The following OGA variants were observed in gnomAD, a reference collection of about 807,000 sequenced individuals.
OGA encodes protein O-GlcNAcase.
OGA carries 21 observed loss-of-function variants against 102.0 expected under a neutral mutation model. The observed-to-expected ratio is 0.21, with a 90% CI of 0.15 to 0.30. OGA has a LOEUF of 0.30. Ranked by LOEUF, OGA falls within the 10% of genes least tolerant of loss-of-function variation. The probability of loss-of-function intolerance (pLI) is 1.00; values close to 1 mark genes in which losing one functional copy is unlikely to be tolerated. For synonymous variants in OGA, 408 were observed against 378.2 expected (o/e 1.08, Z -0.91); for missense variants, 765 against 1,107.8 (o/e 0.69, Z 4.39).
At chr10:101,811,415 A>T (rs2065556003) in intron 3 of OGA, among the ~76,000 whole-genome samples, 1 of 148,324 alleles carries the variant, frequency 6.7e-6, no homozygotes, top group Admixed American at 6.8e-5. Flanking sequence ...TGAAAAAAAA[A>T]AAAAAAAAAA....
chr10:101,784,596 A>G lies in OGA; in HGVS notation c.*1855T>C, dbSNP rs529143626. On this transcript the variant is annotated 3_prime_UTR_variant, in exon 16 of 16. Coordinates refer to ENST00000361464, the MANE Select transcript of OGA (RefSeq NM_012215.5). The stretch of plus-strand genomic sequence containing the variant: ...AAATAGCATAGCACTTCATGATCCT[A>G]GAGTGATGAAAGCAAGACCAGGGCA... 1 of 152,722 alleles carries G rather than the reference A, an allele frequency of 6.5e-6. No individual in the cohort carries two copies. Among genetic ancestry groups the G allele is most frequent in the East Asian group, 1.9e-4 (1 of 5,192 alleles). 9.5% of individuals were successfully genotyped at this position (152,722 alleles called of 1,614,324 possible). A position where few individuals can be genotyped will look rare whatever the true frequency, so the allele number is the denominator to read the frequency against.
chr10:101,817,966 G>A lies in OGA; in HGVS notation c.57C>T (p.Ser19=), dbSNP rs139988470. 8.7e-6 allele frequency: 14 copies of A among 1,604,666 alleles called. No homozygotes were observed. Among genetic ancestry groups the A allele is most frequent in the African/African-American group, 1.3e-5 (1 of 74,794 alleles). Reference sequence around the variant, plus strand: ...ATGCCCCCGCAGAGGCGGCAGGGTTGGAGCTGAGCTCGCTCTCCCGCTCCT... The same window carrying A: ...ATGCCCCCGCAGAGGCGGCAGGGTTAGAGCTGAGCTCGCTCTCCCGCTCCT... The part of the protein sequence containing the change: ...TLEERESELS[S]NPAASAGASL... The change falls in exon 1 of 16, where the codon TCC becomes TCT. Residue 19 remains serine (S), a synonymous_variant. Transcript: ENST00000361464.
intron 8 of OGA, 133 bp from the exon 9 acceptor site, chr10:101,799,588 T>C (rs772017277): frequency 8.4e-5 from 81 of 959,044 alleles, no homozygotes; most frequent in Non-Finnish European, 1.1e-4. Context: ...CCAAATTAAT[T>C]TGACCTCTAA....
intron 1 of OGA, among the ~76,000 whole-genome samples, chr10:101,816,711 G>A (rs1288002729): frequency 2.0e-5 from 3 of 151,882 alleles, no homozygotes; most frequent in Admixed American, 6.6e-5. Flanking sequence ...AGTTAACTTC[G>A]CTGAACTCTT....
chr10:101,809,280 A>T (rs2065517303), intron 4 of OGA, among the ~76,000 whole-genome samples: 1 of 152,228 alleles, frequency 6.6e-6, no homozygotes, highest in Non-Finnish European at 1.5e-5. Flanking sequence ...CCATTTGGGA[A>T]ATAAAGTCCA....
At chr10:101,817,638 C>T (rs951496132) in intron 1 of OGA, among the ~76,000 whole-genome samples, 186 bp downstream of exon 1, 2 of 152,132 alleles carry the variant, frequency 1.3e-5, no homozygotes, top group Admixed American at 1.3e-4. Context: ...GGGGGGAATT[C>T]GACGCCGTCT....
chr10:101,817,414 A>C (rs1333453078), intron 1 of OGA, among the ~76,000 whole-genome samples: 3 of 152,232 alleles, frequency 2.0e-5, no homozygotes, highest in Non-Finnish European at 4.4e-5. Flanking sequence ...AAGTACAAGC[A>C]CGTCAGTGTG....
intron 15 of OGA, 23 bp downstream of exon 15, chr10:101,787,341 C>T: frequency 6.4e-7 from 1 of 1,550,536 alleles, no homozygotes; most frequent in Non-Finnish European, 8.8e-7. Context: ...CAAATACCAC[C>T]AACTCCACAA....
At chr10:101,793,711 CG>C in intron 11 of OGA, 35 of 497,622 alleles carry the variant, frequency 7.0e-5, no homozygotes, top group Middle Eastern at 5.8e-4. Flanking sequence ...TTCGCAGGCG[CG>C]GGGGGGATTG....
rs777860644 is a variant in OGA at position 101,799,190 on chromosome 10, A to G, written c.1461T>C (p.Ile487=). The change falls in exon 9 of 16, where the codon ATT becomes ATC. Residue 487 remains isoleucine (I), a synonymous_variant. Transcript: ENST00000361464. ...HKNDNQILSE[I]VEAKMAEELK... ...ATTCCTCTGCCATTTTCGCTTCAAC[A>G]ATTTCACTCAGTATTTGATTGTCAT... 3 of 1,614,152 alleles carry G rather than the reference A, an allele frequency of 1.9e-6. No homozygotes were observed. Among genetic ancestry groups the G allele is most frequent in the African/African-American group, 1.3e-5 (1 of 75,024 alleles).
At position 101,787,558 on chromosome 10, in the gene OGA, G is replaced by C. The variant is rs373766857; in HGVS notation, c.2455-35C>G. 4 of 1,569,586 alleles carry C rather than the reference G, an allele frequency of 2.5e-6. No homozygotes were observed. The South Asian group carries it at 4.5e-5, about 18-fold the overall frequency. The stretch of plus-strand genomic sequence containing the variant: ...TTAGAATCTCTTGACTTTCACAATA[G>C]TTACGCATTAGATATCTAACCCAAC... On this transcript the variant is annotated intron_variant, in intron 14 of 15. Transcript: ENST00000361464.
At chr10:101,816,417 AT>A (rs2065625621) in intron 1 of OGA, among the ~76,000 whole-genome samples, 1 of 152,238 alleles carries the variant, frequency 6.6e-6, no homozygotes. Flanking sequence ...TTTTAATGCT[AT>A]TCTAAACAAA....
chr10:101,790,891 A>AT lies in OGA; in HGVS notation c.2454+4dup. The AT allele has an allele frequency of 6.3e-7, 1 of 1,577,412 alleles. No individual in the cohort carries two copies. Among genetic ancestry groups the AT allele is most frequent in the South Asian group, 1.1e-5 (1 of 87,730 alleles). On this transcript the variant is annotated splice_donor_region_variant and intron_variant, in intron 14 of 15. Coordinates refer to ENST00000361464, the MANE Select transcript of OGA (RefSeq NM_012215.5). The stretch of plus-strand genomic sequence containing the variant: ...CCATAGTATAATTCTTAACCTTTGT[A>AT]TTACCTCAGCCTCAGAGAGTTCCTT...
intron 15 of OGA, 79 bp downstream of exon 15, chr10:101,787,285 C>T (rs2065202311): frequency 2.9e-6 from 4 of 1,397,146 alleles, no homozygotes; most frequent in Admixed American, 2.2e-5. Flanking sequence ...CAATTCACTT[C>T]TTTCCTTTTA....
At chr10:101,806,732 C>T (rs909573349) in intron 5 of OGA, among the ~76,000 whole-genome samples, 2 of 152,110 alleles carry the variant, frequency 1.3e-5, no homozygotes, top group African/African-American at 2.4e-5. Flanking sequence ...TACAATTAAA[C>T]GCCAAACAGA....
intron 1 of OGA, among the ~76,000 whole-genome samples, chr10:101,816,920 T>C (rs567121836): frequency 6.6e-6 from 1 of 152,308 alleles, no homozygotes; most frequent in South Asian, 2.1e-4. Context: ...CGCCATTACA[T>C]ACGAGAGAGA....
chr10:101,816,123 T>C (rs1451162304), intron 1 of OGA, among the ~76,000 whole-genome samples: 2 of 151,968 alleles, frequency 1.3e-5, no homozygotes, highest in Admixed American at 1.3e-4. Context: ...TACAAAAAAT[T>C]AGCCGGGCCC....
In OGA at chr10:101,798,051, T is replaced by C; in HGVS notation, c.1913A>G (p.Tyr638Cys). The C allele has an allele frequency of 1.2e-6, 2 of 1,614,022 alleles. No individual in the cohort carries two copies. Among genetic ancestry groups the C allele is most frequent in the East Asian group, 2.2e-5 (1 of 44,886 alleles). Residue 638 changes from tyrosine to cysteine, a missense_variant, in exon 10 of 16, where the codon TAT (tyrosine) becomes TGT (cysteine). Tyr to Cys is a radical substitution (Grantham distance 194). Transcript: ENST00000361464. ...ATCCCAAACATAGGAGTACATGTCA[T>C]AAAGAATTGTCCTGTTGGCACAATT... is the stretch of plus-strand genomic sequence containing the variant. ...LSNCANRTILYDMYSYVWDIK... is the reference protein window; with the variant it reads ...LSNCANRTILCDMYSYVWDIK...
intron 10 of OGA, 36 bp from the exon 11 acceptor site, chr10:101,794,034 G>A: frequency 1.3e-6 from 2 of 1,493,504 alleles, no homozygotes; most frequent in Non-Finnish European, 1.9e-6. Context: ...AACGTTACGA[G>A]AAAGGGGATT....
Sources: gnomAD v4.1 joint callset for allele counts (sites outside exome capture counted in the v4.1 genomes callset) on GRCh38, gnomAD v4.1.1 for gene constraint, MANE v1.5 for transcripts, NCBI Gene and HGNC (gene_info 2026-07-23, HGNC 2026-07-21) for gene names.